FHIT: variants seen among roughly 807,000 people sequenced by gnomAD.
FHIT encodes fragile histidine triad diadenosine triphosphatase, also known as bis(5'-adenosyl)-triphosphatase.
FHIT carries 19 observed loss-of-function variants against 17.9 expected under a neutral mutation model. The ratio of observed to expected loss-of-function variants is 1.06; its 90% CI spans 0.74 to 1.56. The LOEUF (loss-of-function observed/expected upper bound fraction) is 1.56. Among genes scored for constraint, FHIT ranks in the 40% most tolerant of loss-of-function variants. The pLI, the probability that FHIT is intolerant of heterozygous loss-of-function variation, is 0.00. For synonymous variants in FHIT, 81 were observed against 69.7 expected, an observed-to-expected ratio of 1.16 and a Z score of -0.81; for missense variants, 248 against 189.2, an observed-to-expected ratio of 1.31 and a Z score of -1.82.
At chr3:60,838,035 T>C (rs797025384) in intron 3 of FHIT, among the ~76,000 whole-genome samples, 3 of 152,362 alleles carry the variant, frequency 2.0e-5, no homozygotes, top group African/African-American at 4.8e-5. Flanking sequence ...GTTTTTGCTA[T>C]GTTTTTTTCT....
chr3:60,860,751 A>T (rs374546896), intron 3 of FHIT, among the ~76,000 whole-genome samples: 259 of 5,860 alleles, frequency 0.044, 75 homozygotes, highest in African/African-American at 0.092. Context: ...CATATATATC[A>T]GGTATATATG....
At chr3:61,233,200 C>T (rs926877862) in intron 1 of FHIT, among the ~76,000 whole-genome samples, 4 of 152,062 alleles carry the variant, frequency 2.6e-5, no homozygotes, top group South Asian at 4.1e-4. Flanking sequence ...CCAGAAATTC[C>T]ACTTTTGAAA....
chr3:60,094,790 A>G (rs6766022), intron 5 of FHIT, among the ~76,000 whole-genome samples: 54,173 of 150,908 alleles, frequency 0.36, 10,264 homozygotes, highest in African/African-American at 0.47. Flanking sequence ...GGAAGGGAAC[A>G]CAAGGGGTGG....
rs189011476 is a variant in FHIT, at chr3:60,706,022, C to A, written c.-18+115897G>T. Among the ~76,000 whole-genome samples, 141 of 152,258 alleles carry A rather than the reference C, an allele frequency of 9.3e-4. 1 individual carries two copies. Among genetic ancestry groups the A allele is most frequent in the African/African-American group, 3.1e-3 (130 of 41,542 alleles). ...TTATTTAACAGACAATAGCTATTTT[C>A]CATGACTCAGTCCAGAATATTCTTT... On this transcript the variant is annotated intron_variant, in intron 4 of 9. Transcript: ENST00000492590.
chr3:60,445,316 C>A (rs1483964190), intron 5 of FHIT, among the ~76,000 whole-genome samples: 1 of 152,026 alleles, frequency 6.6e-6, no homozygotes, highest in African/African-American at 2.4e-5. Context: ...TTCCAAAGCA[C>A]TCAGGGTAAC....
At chr3:61,076,660 A>T (rs1347853) in intron 2 of FHIT, among the ~76,000 whole-genome samples, 2 of 152,040 alleles carry the variant, frequency 1.3e-5, no homozygotes, top group African/African-American at 4.8e-5. Flanking sequence ...TCTTGTGTAT[A>T]TTGTTTCTAA....
intron 5 of FHIT, among the ~76,000 whole-genome samples, chr3:60,444,742 C>A (rs2031196261): frequency 6.6e-6 from 1 of 151,738 alleles, no homozygotes; most frequent in African/African-American, 2.4e-5. Context: ...ATACCTAATG[C>A]TGAATGACGA....
intron 5 of FHIT, among the ~76,000 whole-genome samples, chr3:60,469,323 G>A (rs1028443247): frequency 3.3e-5 from 5 of 151,976 alleles, no homozygotes; most frequent in Non-Finnish European, 7.4e-5. Context: ...AGATTCTGCA[G>A]GCATGCTTCA....
chr3:60,080,811 T>C (rs1048574989), intron 5 of FHIT: 3 of 152,288 alleles, frequency 2.0e-5, no homozygotes, highest in Admixed American at 6.5e-5. Context: ...GTTTGTTTGA[T>C]GACAAATCTC....
chr3:60,179,151 G>A (rs974533617), intron 5 of FHIT, among the ~76,000 whole-genome samples: 67 of 152,126 alleles, frequency 4.4e-4, no homozygotes, highest in African/African-American at 1.4e-3. Context: ...CCACGTGGCC[G>A]CATTCCATTA....
intron 7 of FHIT, among the ~76,000 whole-genome samples, chr3:59,949,891 C>T (rs935300408): frequency 6.6e-6 from 1 of 152,152 alleles, no homozygotes; most frequent in Non-Finnish European, 1.5e-5. Flanking sequence ...AAACAGCTAT[C>T]CTCCTTACAA....
chr3:61,058,201 A>G (rs768652150), intron 2 of FHIT, among the ~76,000 whole-genome samples: 11 of 152,152 alleles, frequency 7.2e-5, no homozygotes, highest in Non-Finnish European at 1.5e-4. Context: ...CTATAGGTCT[A>G]TGATTATATA....
intron 5 of FHIT, among the ~76,000 whole-genome samples, chr3:60,311,841 A>G (rs1708962276): frequency 6.6e-6 from 1 of 152,124 alleles, no homozygotes; most frequent in Non-Finnish European, 1.5e-5. Flanking sequence ...TTCATAGAGC[A>G]TCTCAGGGCT....
At chr3:60,991,993 G>C (rs2030267799) in intron 3 of FHIT, among the ~76,000 whole-genome samples, 1 of 152,052 alleles carries the variant, frequency 6.6e-6, no homozygotes, top group African/African-American at 2.4e-5. Context: ...GAAGACATTA[G>C]GTAGAATCTA....
intron 5 of FHIT, among the ~76,000 whole-genome samples, chr3:60,206,149 A>AAATAATAATAAT (rs1041282613): frequency 1.1e-5 from 1 of 94,142 alleles, no homozygotes; most frequent in Non-Finnish European, 2.1e-5. Flanking sequence ...AAAAAAAAAT[A>AAATAATAATAAT]AATAATAATA....
At chr3:60,960,104 G>A (rs9868796) in intron 3 of FHIT, among the ~76,000 whole-genome samples, 149,000 of 152,146 alleles carry the variant, frequency 0.98, 73,042 homozygotes, top group East Asian at 1. Flanking sequence ...AATTCCAAAG[G>A]TAAAAAGATA....
At chr3:60,333,755 G>C (rs1250886640) in intron 5 of FHIT, among the ~76,000 whole-genome samples, 1 of 152,106 alleles carries the variant, frequency 6.6e-6, no homozygotes, top group Non-Finnish European at 1.5e-5. Flanking sequence ...ACATGAGAAA[G>C]TTATGTTTGT....
intron 5 of FHIT, among the ~76,000 whole-genome samples, chr3:60,347,756 C>G (rs1283244274): frequency 2.0e-5 from 3 of 150,244 alleles, no homozygotes; most frequent in Non-Finnish European, 4.4e-5. Flanking sequence ...CCAAGCATGC[C>G]TATCTTTTCA....
intron 4 of FHIT, among the ~76,000 whole-genome samples, chr3:60,559,415 A>G (rs2107640208): frequency 6.6e-6 from 1 of 152,326 alleles, no homozygotes; most frequent in Non-Finnish European, 1.5e-5. Flanking sequence ...TCTCAGTTAC[A>G]GCTAAATTCC....
Sources: gnomAD v4.1 joint callset for allele counts (sites outside exome capture counted in the v4.1 genomes callset) on GRCh38, gnomAD v4.1.1 for gene constraint, MANE v1.5 for transcripts, NCBI Gene and HGNC (gene_info 2026-07-23, HGNC 2026-07-21) for gene names.